NCOR2: variants seen among roughly 807,000 people sequenced by gnomAD.
NCOR2 encodes CTG repeat protein 26.
NCOR2 carries 81 observed loss-of-function variants against 262.9 expected under a neutral mutation model. The ratio of observed to expected loss-of-function variants is 0.31; its 90% CI spans 0.26 to 0.37. The LOEUF is 0.37. Ranked by LOEUF, NCOR2 falls within the 10% of genes least tolerant of loss-of-function variation. NCOR2 has a pLI of 1.00. For missense variants in NCOR2, 3,385 were observed against 3,621.4 expected (o/e 0.93, Z 1.68); for synonymous variants, 1,659 against 1,559.3 (o/e 1.06, Z -1.51).
At chr12:124,427,271 G>T (rs951839953) in intron 10 of NCOR2, among the ~76,000 whole-genome samples, 3 of 152,150 alleles carry the variant, frequency 2.0e-5, no homozygotes, top group Non-Finnish European at 4.4e-5. Context: ...CGCTGGTGGA[G>T]AGGTCTTTCC....
At chr12:124,405,814 G>A (rs760626258) in intron 13 of NCOR2, among the ~76,000 whole-genome samples, 3 of 152,218 alleles carry the variant, frequency 2.0e-5, no homozygotes, top group Non-Finnish European at 4.4e-5. Flanking sequence ...GGCAGCAAGT[G>A]CAGCAGCCGA....
chr12:124,454,774 C>T lies in NCOR2; in HGVS notation c.762+2332G>A, dbSNP rs1012074476. On this transcript the variant is annotated intron_variant, in intron 6 of 46. Coordinates refer to ENST00000405201, the Ensembl canonical transcript of NCOR2. The surrounding 1 kb of genome is among the most constrained non-coding windows in gnomAD (Gnocchi z 5.6). Reference sequence around the variant, plus strand: ...TCCTCAAGGGGCTAAACAGGGTTAACAGAGGATCTAGCAATTCCACGCCTA... The same window carrying T: ...TCCTCAAGGGGCTAAACAGGGTTAATAGAGGATCTAGCAATTCCACGCCTA... Among the ~76,000 whole-genome samples the T allele has an allele frequency of 6.6e-6, 1 of 152,176 alleles. No homozygotes were observed. The highest frequency in any genetic ancestry group is 1.9e-4 in the East Asian group (1 of 5,200).
chr12:124,529,828 G>T (rs1448525694), intron 1 of NCOR2: 1 of 152,274 alleles, frequency 6.6e-6, no homozygotes, highest in Non-Finnish European at 1.5e-5. Flanking sequence ...GTGCTGACAA[G>T]GATGGGGAGC....
At chr12:124,413,674 G>C (rs2042710865) in intron 13 of NCOR2, among the ~76,000 whole-genome samples, 1 of 152,204 alleles carries the variant, frequency 6.6e-6, no homozygotes, top group Non-Finnish European at 1.5e-5. Context: ...ACCCAGGAGA[G>C]AGGGGCTGTG....
intron 17 of NCOR2, among the ~76,000 whole-genome samples, chr12:124,382,934 T>C (rs1043821054): frequency 6.6e-6 from 1 of 152,208 alleles, no homozygotes; most frequent in African/African-American, 2.4e-5. Flanking sequence ...TGAAGCCCAG[T>C]ATCCTTGGAC....
rs2036070238 is a variant in NCOR2, at chr12:124,338,376, CA to C, written c.5688-1197del. On this transcript the variant is annotated intron_variant, in intron 37 of 46. Transcript: ENST00000405201. Reference sequence around the variant, plus strand: ...TATAAAAATTAGCCGGGTGTGGTTGCACGTGCCTGTAACTGCAGCTACTTGG... The same window carrying C: ...TATAAAAATTAGCCGGGTGTGGTTGCCGTGCCTGTAACTGCAGCTACTTGG... Among the ~76,000 whole-genome samples the C allele has an allele frequency of 2.0e-5, 3 of 152,160 alleles. No homozygotes were observed. In the South Asian group the frequency reaches 6.2e-4, roughly 32 times the overall value.
chr12:124,486,759 AG>A (rs2047786981), intron 1 of NCOR2, among the ~76,000 whole-genome samples, 191 bp from the exon 4 acceptor site: 1 of 152,200 alleles, frequency 6.6e-6, no homozygotes, highest in African/African-American at 2.4e-5. Context: ...AACACCAAGG[AG>A]GAGAAAGAAC....
rs1452541571 is a variant in NCOR2 at position 124,432,527 on chromosome 12, C to G, written c.883-1740G>C. ...AGCCACATGCGGCTGGGGCTCCGGC[C>G]GCACCAGACAGCCCGGATGGAGCCC... On this transcript the variant is annotated intron_variant, in intron 8 of 46. Transcript: ENST00000405201. The surrounding 1 kb of genome is among the most constrained non-coding windows in gnomAD (Gnocchi z 5.1). 6.6e-6 allele frequency among the ~76,000 whole-genome samples: 1 copy of G among 152,194 alleles called. No homozygotes were observed. Among genetic ancestry groups the G allele is most frequent in the Non-Finnish European group, 1.5e-5 (1 of 68,038 alleles).
chr12:124,490,141 A>G (rs1168524089), intron 1 of NCOR2, among the ~76,000 whole-genome samples: 1 of 152,132 alleles, frequency 6.6e-6, no homozygotes, highest in Admixed American at 6.5e-5. Flanking sequence ...TGCCTGGAAC[A>G]TTCCTCAGCC....
chr12:124,476,708 CTTT>C lies in NCOR2; in HGVS notation c.412-3580_412-3578del, dbSNP rs1411821226. Among the ~76,000 whole-genome samples, 4 of 152,176 alleles carry C rather than the reference CTTT, an allele frequency of 2.6e-5. No individual in the cohort carries two copies. The East Asian group carries it at 7.7e-4, about 29-fold the overall frequency. On this transcript the variant is annotated intron_variant, in intron 3 of 46. Transcript: ENST00000405201. ...AAGCCGTTGTCTTTAATGGGTTCTT[CTTT>C]AAGTTCGGGTTTAGCTTTTATTCGC...
intron 1 of NCOR2, among the ~76,000 whole-genome samples, chr12:124,487,389 G>A (rs2047822510): frequency 6.6e-6 from 1 of 152,242 alleles, no homozygotes; most frequent in Non-Finnish European, 1.5e-5. Flanking sequence ...GTAAGCCTTA[G>A]GCAGACCTTC....
chr12:124,409,072 C>A (rs1163151104), intron 13 of NCOR2, among the ~76,000 whole-genome samples: 1 of 152,254 alleles, frequency 6.6e-6, no homozygotes, highest in Non-Finnish European at 1.5e-5. Context: ...TTTACCAGCA[C>A]TCTACGGCAG....
chr12:124,371,849 T>A (rs962854056), intron 20 of NCOR2, among the ~76,000 whole-genome samples, 173 bp downstream of exon 22: 1 of 152,104 alleles, frequency 6.6e-6, no homozygotes, highest in Non-Finnish European at 1.5e-5. Context: ...CTCCGCCCCT[T>A]CCTGGCCTGC....
intron 21 of NCOR2, 23 bp from the exon 24 acceptor site, chr12:124,362,320 A>G: frequency 7.5e-7 from 1 of 1,334,952 alleles, no homozygotes; most frequent in Non-Finnish European, 9.6e-7. Context: ...GGCAGAAGTG[A>G]GCATTCACAG....
exon 23 of NCOR2, chr12:124,356,649 A>C: frequency 1.4e-6 from 2 of 1,436,886 alleles, no homozygotes; most frequent in Non-Finnish European, 1.8e-6. Flanking sequence ...TACCAGGTGG[A>C]GCGTAGGAGA....
intron 13 of NCOR2, among the ~76,000 whole-genome samples, chr12:124,410,424 C>T (rs1233685663): frequency 1.3e-5 from 2 of 151,832 alleles, no homozygotes; most frequent in African/African-American, 4.8e-5. Context: ...AACTGTCTCC[C>T]CACCTAGCAC....
chr12:124,377,696 G>A (rs540229182), intron 18 of NCOR2, among the ~76,000 whole-genome samples: 233 of 152,014 alleles, frequency 1.5e-3, no homozygotes, highest in South Asian at 4.4e-3. Context: ...AAAATTAGCC[G>A]GGTGTGGCGG....
chr12:124,492,369 G>A lies in NCOR2; in HGVS notation c.105+2778C>T, dbSNP rs118091157. ...CAATGCCACTCAGCAAGCTGAACAC[G>A]GAGAGGGTTCGAAGCCACACTGAGG... On this transcript the variant is annotated intron_variant, in intron 1 of 46. Coordinates refer to ENST00000405201, the Ensembl canonical transcript of NCOR2. Among the ~76,000 whole-genome samples, 991 of 152,274 alleles carry A rather than the reference G, an allele frequency of 6.5e-3. 13 individuals are homozygous for A. The highest frequency in any genetic ancestry group is 7.3e-3 in the Non-Finnish European group (497 of 68,014).
intron 7 of NCOR2, among the ~76,000 whole-genome samples, chr12:124,438,763 A>AGAGAGACAGAGAGAGAGAGAGAGACG (rs1565944688): frequency 8.1e-6 from 1 of 123,986 alleles, no homozygotes; most frequent in African/African-American, 3.2e-5. Flanking sequence ...AGAGAGAGAC[A>AGAGAGACAGAGAGAGAGAGAGAGACG]GAGACCCAGA....
Sources: gnomAD v4.1 joint callset for allele counts (sites outside exome capture counted in the v4.1 genomes callset) on GRCh38, gnomAD v4.1.1 for gene constraint, Gnocchi (gnomAD v3.1) non-coding constraint, MANE v1.5 for transcripts, NCBI Gene and HGNC (gene_info 2026-07-23, HGNC 2026-07-21) for gene names.